SLC35F3: variants seen among roughly 807,000 people sequenced by gnomAD.
The protein encoded by SLC35F3 is solute carrier family 35 member F3.
A neutral mutation model predicts 49.9 loss-of-function variants in SLC35F3; 25 were observed. The ratio of observed to expected loss-of-function variants is 0.50; its 90% CI spans 0.37 to 0.70. SLC35F3 has a LOEUF of 0.70. SLC35F3 is among the 30% of genes least tolerant of loss of function. The probability of loss-of-function intolerance (pLI) is 0.00; values close to 1 mark genes in which losing one functional copy is unlikely to be tolerated. For synonymous variants in SLC35F3, 275 were observed against 265.4 expected, an observed-to-expected ratio of 1.04 and a Z score of -0.35; for missense variants, 525 against 639.8, an observed-to-expected ratio of 0.82 and a Z score of 1.94.
chr1:233,912,559 T>G (rs560704310), intron 2 of SLC35F3, among the ~76,000 whole-genome samples: 1 of 152,252 alleles, frequency 6.6e-6, no homozygotes, highest in South Asian at 2.1e-4. Flanking sequence ...GTCGTGAAGA[T>G]TAAATGAAAT....
chr1:234,062,844 A>ATTTTTTTT (rs71170448), intron 2 of SLC35F3, among the ~76,000 whole-genome samples: 1 of 132,506 alleles, frequency 7.5e-6, no homozygotes. Flanking sequence ...CGCCTGGCTA[A>ATTTTTTTT]TTTTTTTTTT....
intron 2 of SLC35F3, among the ~76,000 whole-genome samples, chr1:234,081,560 G>T (rs1226637882): frequency 6.6e-6 from 1 of 152,070 alleles, no homozygotes; most frequent in Non-Finnish European, 1.5e-5. Flanking sequence ...TAACCACAGA[G>T]CCCTGTCTCT....
At chr1:234,114,827 CAG>C (rs1040817017) in intron 2 of SLC35F3, among the ~76,000 whole-genome samples, 4 of 151,998 alleles carry the variant, frequency 2.6e-5, no homozygotes, top group African/African-American at 9.7e-5. Context: ...TATTTCAAAA[CAG>C]TATTTGGAAA....
chr1:233,909,359 T>C (rs1332016046), intron 2 of SLC35F3, among the ~76,000 whole-genome samples: 2 of 152,200 alleles, frequency 1.3e-5, no homozygotes, highest in Non-Finnish European at 2.9e-5. Flanking sequence ...CTTCAAATTA[T>C]CATCTGTTGA....
intron 2 of SLC35F3, among the ~76,000 whole-genome samples, chr1:234,110,158 G>C (rs1665385675): frequency 6.6e-6 from 1 of 152,230 alleles, no homozygotes; most frequent in Non-Finnish European, 1.5e-5. Flanking sequence ...AGGAAAGGTA[G>C]ACTGCTCCAG....
chr1:234,150,467 G>T (rs1382779467), intron 2 of SLC35F3, among the ~76,000 whole-genome samples: 2 of 152,064 alleles, frequency 1.3e-5, no homozygotes, highest in African/African-American at 2.4e-5. Context: ...CTAATTCTGT[G>T]CTAAGTATAT....
At position 234,135,251 on chromosome 1, in the gene SLC35F3, A is replaced by G. The variant is rs572529120; in HGVS notation, c.284-96166A>G. Reference sequence around the variant, plus strand: ...GAATGATTAGTAGCACAAAGAATTGACAAGTGCTTGAGGTAATAGATACCC... The same window carrying G: ...GAATGATTAGTAGCACAAAGAATTGGCAAGTGCTTGAGGTAATAGATACCC... On this transcript the variant is annotated intron_variant, in intron 2 of 7. Transcript: ENST00000366618. Among the ~76,000 whole-genome samples the G allele has an allele frequency of 1.4e-4, 22 of 152,350 alleles. No homozygotes were observed. The South Asian group carries it at 1.9e-3, about 13-fold the overall frequency.
At chr1:234,221,646 A>G (rs1425537557) in intron 2 of SLC35F3, among the ~76,000 whole-genome samples, 1 of 152,240 alleles carries the variant, frequency 6.6e-6, no homozygotes, top group Non-Finnish European at 1.5e-5. Flanking sequence ...TTTAATTCTT[A>G]AAAGCCTTTT....
intron 2 of SLC35F3, among the ~76,000 whole-genome samples, chr1:234,029,369 G>A (rs773597449): frequency 3.9e-5 from 6 of 152,170 alleles, no homozygotes; most frequent in Non-Finnish European, 7.3e-5. Flanking sequence ...AACGTGAAAG[G>A]CCTCTACAAA....
intron 2 of SLC35F3, among the ~76,000 whole-genome samples, chr1:234,154,959 G>A (rs1165642314): frequency 7.0e-6 from 1 of 143,702 alleles, no homozygotes; most frequent in African/African-American, 3.0e-5. Context: ...AAAATTCCAG[G>A]ATGCTCAAGT....
intron 2 of SLC35F3, among the ~76,000 whole-genome samples, chr1:234,207,225 G>C (rs1345643346): frequency 6.6e-6 from 1 of 151,710 alleles, no homozygotes; most frequent in African/African-American, 2.4e-5. Context: ...GCCAGGGAGA[G>C]AGATACAGAG....
intron 2 of SLC35F3, among the ~76,000 whole-genome samples, chr1:234,017,312 C>T (rs1663817679): frequency 6.6e-6 from 1 of 152,170 alleles, no homozygotes; most frequent in Non-Finnish European, 1.5e-5. Flanking sequence ...TTAAGGAATA[C>T]TGAAGCATTG....
At chr1:233,931,110 T>C (rs1662235635) in intron 2 of SLC35F3, among the ~76,000 whole-genome samples, 1 of 152,190 alleles carries the variant, frequency 6.6e-6, no homozygotes, top group Non-Finnish European at 1.5e-5. Context: ...CTGGACCCCT[T>C]TCTTACACCT....
At chr1:234,068,486 T>C (rs761270165) in intron 2 of SLC35F3, among the ~76,000 whole-genome samples, 6 of 152,052 alleles carry the variant, frequency 3.9e-5, no homozygotes, top group Non-Finnish European at 7.4e-5. Context: ...GCCTCCCAAG[T>C]AGCTGGGACT....
intron 2 of SLC35F3, among the ~76,000 whole-genome samples, chr1:233,977,797 A>G (rs762471765): frequency 6.6e-6 from 1 of 152,182 alleles, no homozygotes; most frequent in East Asian, 1.9e-4. Context: ...CAAGATGCAG[A>G]TACAAGTCTT....
chr1:233,929,514 T>G (rs1233809934), intron 2 of SLC35F3, among the ~76,000 whole-genome samples: 1 of 152,174 alleles, frequency 6.6e-6, no homozygotes, highest in East Asian at 1.9e-4. Context: ...AATAAAATAG[T>G]TCCTTTTCTT....
At chr1:234,191,220 T>C (rs1003582318) in intron 2 of SLC35F3, among the ~76,000 whole-genome samples, 1 of 152,142 alleles carries the variant, frequency 6.6e-6, no homozygotes, top group Admixed American at 6.5e-5. Context: ...TCAATAAATT[T>C]AAGAAAACTG....
intron 2 of SLC35F3, among the ~76,000 whole-genome samples, chr1:234,082,995 C>A (rs559360701): frequency 4.6e-5 from 7 of 152,306 alleles, no homozygotes; most frequent in Non-Finnish European, 1.0e-4. Context: ...GTGAGCTATG[C>A]AACCTTTGGA....
chr1:234,191,306 A>T (rs971730138), intron 2 of SLC35F3, among the ~76,000 whole-genome samples: 1 of 152,218 alleles, frequency 6.6e-6, no homozygotes, highest in African/African-American at 2.4e-5. Flanking sequence ...CTTCAAAACC[A>T]TGCAAATATA....
Sources: allele counts gnomAD v4.1 joint callset (sites outside exome capture counted in the v4.1 genomes callset), GRCh38; gene constraint gnomAD v4.1.1; transcripts MANE v1.5; gene names NCBI Gene and HGNC (gene_info 2026-07-23, HGNC 2026-07-21).